Variants in HSD17B11 observed in about 807,000 individuals in gnomAD.
The protein encoded by HSD17B11 is hydroxysteroid 17-beta dehydrogenase 11.
In HSD17B11, 22 loss-of-function variants were observed where a neutral mutation model predicts 27.8. The ratio of observed to expected loss-of-function variants is 0.79; its 90% confidence interval spans 0.56 to 1.13. The LOEUF is 1.13. HSD17B11 is among the 50% of genes most tolerant of loss of function. The probability of loss-of-function intolerance (pLI) is 0.00; values close to 1 mark genes in which losing one functional copy is unlikely to be tolerated. For synonymous variants in HSD17B11, 117 were observed against 132.8 expected (o/e 0.88, Z 0.82); for missense variants, 314 against 351.1 (o/e 0.89, Z 0.84).
chr4:87,357,527 G>A lies in HSD17B11; in HGVS notation c.558-111C>T, dbSNP rs1030885679. The stretch of plus-strand genomic sequence containing the variant: ...AATGTGGGCATTCCCTGAGTCTCAG[G>A]CCCCAGCCCAGAGCTACTGCATCAG... On this transcript the variant is annotated intron_variant, in intron 4 of 6. Coordinates refer to ENST00000358290, the MANE Select transcript of HSD17B11 (RefSeq NM_016245.5). The A allele has an allele frequency of 5.1e-6, 5 of 977,962 alleles. No individual in the cohort carries two copies. The Admixed American group carries it at 9.7e-5, about 19-fold the overall frequency. The allele number at this position is 977,962 out of a possible 1,614,324, so 60.6% of individuals were successfully genotyped here.
In HSD17B11 at chr4:87,391,111, T is replaced by G. The variant is rs771319676; in HGVS notation, c.-41A>C. 7 of 1,493,272 alleles carry G rather than the reference T, an allele frequency of 4.7e-6. No homozygotes were observed. Among genetic ancestry groups the G allele is most frequent in the Non-Finnish European group, 6.4e-6 (7 of 1,095,030 alleles). The allele number at this position is 1,493,272 out of a possible 1,614,324, so 92.5% of individuals were successfully genotyped here. On this transcript the variant is annotated 5_prime_UTR_variant, in exon 1 of 7. Transcript: ENST00000358290. ...GAGCGTTTGGTGTGTTTTTTTTTTTTTTTACCACTCTAAACTGCTTTTAGA... is the reference window on the plus strand; with the variant it reads ...GAGCGTTTGGTGTGTTTTTTTTTTTGTTTACCACTCTAAACTGCTTTTAGA...
intron 2 of HSD17B11, among the ~76,000 whole-genome samples, chr4:87,375,661 A>G (rs1381989982): frequency 6.6e-6 from 1 of 152,220 alleles, no homozygotes; most frequent in Non-Finnish European, 1.5e-5. Context: ...GAATCGCTTG[A>G]ACCCGAGAGG....
intron 2 of HSD17B11, among the ~76,000 whole-genome samples, chr4:87,380,636 T>A (rs1720129208): frequency 6.8e-6 from 1 of 147,180 alleles, no homozygotes; most frequent in Admixed American, 6.8e-5. Context: ...AGGGAGCAGA[T>A]CACGAGGTCA....
chr4:87,386,360 A>G (rs1454522476), intron 1 of HSD17B11, among the ~76,000 whole-genome samples: 2 of 151,836 alleles, frequency 1.3e-5, no homozygotes, highest in Non-Finnish European at 2.9e-5. Context: ...GCGCCACCAC[A>G]CCCGTCTAAT....
At chr4:87,370,761 T>TTC (rs1328854823) in intron 4 of HSD17B11, among the ~76,000 whole-genome samples, 1 of 84,442 alleles carries the variant, frequency 1.2e-5, no homozygotes, top group African/African-American at 7.0e-5. Context: ...TATTATTTTT[T>TTC]TTTTTTTTTG....
chr4:87,369,568 G>A (rs77741265), intron 4 of HSD17B11, among the ~76,000 whole-genome samples: 24,037 of 151,816 alleles, frequency 0.16, 2,054 homozygotes, highest in Admixed American at 0.19. Flanking sequence ...TGCGTAGCTG[G>A]GACTACAAGC....
At chr4:87,363,685 G>C (rs971628832) in intron 4 of HSD17B11, among the ~76,000 whole-genome samples, 3 of 152,160 alleles carry the variant, frequency 2.0e-5, no homozygotes, top group African/African-American at 7.2e-5. Context: ...ATAGTTAAAA[G>C]CCTTTGCAAG....
intron 4 of HSD17B11, among the ~76,000 whole-genome samples, chr4:87,360,522 T>C (rs1735488518): frequency 6.6e-6 from 1 of 152,232 alleles, no homozygotes; most frequent in Non-Finnish European, 1.5e-5. Context: ...TGTCCCCTTG[T>C]TCTGGTAATA....
chr4:87,375,074 T>G (rs1378196335), intron 2 of HSD17B11, among the ~76,000 whole-genome samples: 2 of 152,096 alleles, frequency 1.3e-5, no homozygotes. Context: ...AATTTTTATA[T>G]TTTTAGTAGA....
intron 3 of HSD17B11, 104 bp downstream of exon 3, chr4:87,374,595 A>T (rs1032331886): frequency 8.9e-7 from 1 of 1,118,738 alleles, no homozygotes; most frequent in Non-Finnish European, 1.3e-6. Flanking sequence ...GTGCCTGGAG[A>T]AAACTTTAGC....
At position 87,372,754 on chromosome 4, in the gene HSD17B11, GC is replaced by G. The variant is rs1250978334; in HGVS notation, c.511del (p.Ala171LeufsTer29). On this transcript the variant is annotated frameshift_variant, in exon 4 of 7. Transcript: ENST00000358290. LOFTEE classifies it high-confidence loss of function. ...GACCGAGACATGTCCAGCTGCCGAA[GC>G]CACAGTGACAATATGGCCATGGTTA... ...KNNHGHIVTV[A>X]SAAGHVSVPF... 3 of 1,613,838 alleles carry G rather than the reference GC, an allele frequency of 1.9e-6. No homozygotes were observed. The highest frequency in any genetic ancestry group is 1.7e-6 in the Non-Finnish European group (2 of 1,179,756).
At chr4:87,389,372 G>A (rs561156023) in intron 1 of HSD17B11, among the ~76,000 whole-genome samples, 5 of 152,130 alleles carry the variant, frequency 3.3e-5, no homozygotes, top group Admixed American at 6.5e-5. Context: ...ACAAGTACAC[G>A]CCACCACGCT....
intron 4 of HSD17B11, among the ~76,000 whole-genome samples, chr4:87,367,929 C>G (rs1735638350): frequency 6.6e-6 from 1 of 152,202 alleles, no homozygotes. Flanking sequence ...GAATATATTG[C>G]TGTTATACCC....
chr4:87,370,009 A>G (rs1239769561), intron 4 of HSD17B11, among the ~76,000 whole-genome samples: 1 of 152,190 alleles, frequency 6.6e-6, no homozygotes, highest in Non-Finnish European at 1.5e-5. Flanking sequence ...ATTAATCATT[A>G]AAACTGTTGA....
At position 87,337,319 on chromosome 4, in the gene HSD17B11, A is replaced by AC; in HGVS notation, c.859dup (p.Val287GlyfsTer2). 2 of 1,607,262 alleles carry AC rather than the reference A, an allele frequency of 1.2e-6. No individual in the cohort carries two copies. Among genetic ancestry groups the AC allele is most frequent in the East Asian group, 4.5e-5 (2 of 44,742 alleles). Reference sequence around the variant, plus strand: ...ATATCCAATAACTGCATCAAACTTAACACTGATTTTTCGTTTTAAAACTGC... The same window carrying AC: ...ATATCCAATAACTGCATCAAACTTAACCACTGATTTTTCGTTTTAAAACTGC... On this transcript the variant is annotated frameshift_variant, in exon 7 of 7. Transcript: ENST00000358290. LOFTEE classifies it high-confidence loss of function.
chr4:87,361,740 A>C (rs755751262), intron 4 of HSD17B11, among the ~76,000 whole-genome samples: 13 of 152,122 alleles, frequency 8.5e-5, no homozygotes, highest in Non-Finnish European at 1.6e-4. Context: ...GCACTCCATC[A>C]TGGGCAACAG....
chr4:87,370,745 T>G (rs1735695428), intron 4 of HSD17B11, among the ~76,000 whole-genome samples: 1 of 36,302 alleles, frequency 2.8e-5, no homozygotes, highest in Non-Finnish European at 5.4e-5. Context: ...TTATTATTAT[T>G]ATTATTATTA....
chr4:87,374,484 T>G (rs540459598), intron 3 of HSD17B11: 1 of 366,710 alleles, frequency 2.7e-6, no homozygotes, highest in East Asian at 5.9e-5. Context: ...CTGACATTTA[T>G]TATTAATTTA....
In HSD17B11 at chr4:87,390,935, GC is replaced by G; in HGVS notation, c.135del (p.His46MetfsTer6). Reference sequence around the variant, plus strand: ...TAGGCAGTCAGTCTCCCAATTCCATGCCCAGCTCCTGTAATCAGCACGATTT... The same window carrying G: ...TAGGCAGTCAGTCTCCCAATTCCATGCCAGCTCCTGTAATCAGCACGATTT... ...TGEIVLITGA[G>X]HGIGRLTAYE... On this transcript the variant is annotated frameshift_variant, in exon 1 of 7. Transcript: ENST00000358290. LOFTEE classifies it high-confidence loss of function. 2 of 1,614,052 alleles carry G rather than the reference GC, an allele frequency of 1.2e-6. No homozygotes were observed. Among genetic ancestry groups the G allele is most frequent in the East Asian group, 2.2e-5 (1 of 44,876 alleles).
Sources: gnomAD v4.1 joint callset for allele counts (sites outside exome capture counted in the v4.1 genomes callset) on GRCh38, gnomAD v4.1.1 for gene constraint, MANE v1.5 for transcripts, NCBI Gene and HGNC (gene_info 2026-07-23, HGNC 2026-07-21) for gene names.